The following ATP8A1 variants were observed in gnomAD, a reference collection of about 807,000 sequenced individuals.
The protein encoded by ATP8A1 is ATPase phospholipid transporting 8A1.
A neutral mutation model predicts 177.7 loss-of-function variants in ATP8A1; 90 were observed. That is an observed-to-expected ratio of 0.51 (90% confidence interval 0.43 to 0.60). The LOEUF is 0.60. Among genes scored for constraint, ATP8A1 ranks in the 20% least tolerant of loss-of-function variants. The pLI is 0.00. For synonymous variants in ATP8A1, 493 were observed against 485.9 expected, an observed-to-expected ratio of 1.01 and a Z score of -0.19; for missense variants, 1,072 against 1,392.8, an observed-to-expected ratio of 0.77 and a Z score of 3.67.
chr4:42,555,958 T>A lies in ATP8A1; in HGVS notation c.1413+10A>T, dbSNP rs1222175571. The stretch of plus-strand genomic sequence containing the variant: ...CACTAACAAAAAGACAATGGTTTTA[T>A]GTAACTTACATGATTATTTTGGAGA... On this transcript the variant is annotated intron_variant, in intron 16 of 36. Transcript: ENST00000381668. 6.3e-7 allele frequency: 1 copy of A among 1,580,796 alleles called. No individual in the cohort carries two copies. The highest frequency in any genetic ancestry group is 1.7e-5 in the Admixed American group (1 of 59,068).
intron 25 of ATP8A1, among the ~76,000 whole-genome samples, chr4:42,477,454 T>C (rs1269570001): frequency 2.0e-5 from 3 of 152,124 alleles, no homozygotes; most frequent in Non-Finnish European, 4.4e-5. Flanking sequence ...ATTATACATA[T>C]ACGCCACAGC....
At chr4:42,568,461 T>C (rs1368201000) in intron 15 of ATP8A1, among the ~76,000 whole-genome samples, 1 of 152,170 alleles carries the variant, frequency 6.6e-6, no homozygotes, top group Non-Finnish European at 1.5e-5. Context: ...CACCAACTCA[T>C]GATGAATTAT....
chr4:42,544,919 T>C (rs954028708), intron 19 of ATP8A1, among the ~76,000 whole-genome samples: 1 of 152,156 alleles, frequency 6.6e-6, no homozygotes, highest in African/African-American at 2.4e-5. Flanking sequence ...TCTAGCACTT[T>C]GGGAGGCCGA....
At chr4:42,569,055 TTATATATATATA>T in intron 15 of ATP8A1, 94 bp downstream of exon 15, 1 of 474,486 alleles carries the variant, frequency 2.1e-6, no homozygotes, top group South Asian at 7.2e-5. Flanking sequence ...AATATTTTAT[TTATATATATATA>T]TTTATATAAA....
At chr4:42,509,136 T>G (rs1724734370) in intron 22 of ATP8A1, among the ~76,000 whole-genome samples, 1 of 152,238 alleles carries the variant, frequency 6.6e-6, no homozygotes, top group African/African-American at 2.4e-5. Context: ...GACATTAAAT[T>G]TGTAGCTCGA....
chr4:42,523,144 A>T (rs1726316192), intron 21 of ATP8A1, among the ~76,000 whole-genome samples: 1 of 152,132 alleles, frequency 6.6e-6, no homozygotes, highest in Non-Finnish European at 1.5e-5. Context: ...CAGCAGATAT[A>T]CCCCGGGAAA....
At chr4:42,463,447 G>C (rs1333355763) in intron 27 of ATP8A1, among the ~76,000 whole-genome samples, 1 of 152,164 alleles carries the variant, frequency 6.6e-6, no homozygotes, top group Non-Finnish European at 1.5e-5. Flanking sequence ...CTCCATGATT[G>C]TGAGGCCTCC....
chr4:42,435,426 C>CAAAAAAAAAAAAAAAAAAAAAAAAA (rs55945370), intron 33 of ATP8A1, among the ~76,000 whole-genome samples: 1 of 93,958 alleles, frequency 1.1e-5, no homozygotes. Context: ...GACTTCATCT[C>CAAAAAAAAAAAAAAAAAAAAAAAAA]AAAAAAAAAA....
intron 20 of ATP8A1, among the ~76,000 whole-genome samples, chr4:42,537,942 C>G (rs983814611): frequency 2.0e-5 from 3 of 152,136 alleles, no homozygotes; most frequent in African/African-American, 7.2e-5. Flanking sequence ...AAAGAGCCTG[C>G]AAAGCCAAAG....
intron 22 of ATP8A1, among the ~76,000 whole-genome samples, chr4:42,511,272 C>T (rs750995864): frequency 4.6e-5 from 7 of 152,116 alleles, no homozygotes; most frequent in African/African-American, 1.4e-4. Context: ...TTGAACTTTG[C>T]GTGCTTTTCC....
intron 24 of ATP8A1, among the ~76,000 whole-genome samples, chr4:42,489,680 G>T (rs1397218792): frequency 6.6e-6 from 1 of 152,126 alleles, no homozygotes; most frequent in African/African-American, 2.4e-5. Context: ...ACTGCCGGGA[G>T]TATTTTCAAA....
intron 22 of ATP8A1, among the ~76,000 whole-genome samples, chr4:42,512,856 A>G (rs1235514106): frequency 6.6e-6 from 1 of 152,236 alleles, no homozygotes; most frequent in Non-Finnish European, 1.5e-5. Flanking sequence ...CGTAACTATG[A>G]GAACTGCTGA....
chr4:42,486,227 C>T (rs530383265), intron 24 of ATP8A1, among the ~76,000 whole-genome samples: 2 of 152,122 alleles, frequency 1.3e-5, no homozygotes, highest in Admixed American at 6.6e-5. Context: ...AACTTAGAAC[C>T]TTTTAAAAGA....
chr4:42,552,786 G>C (rs889592707), intron 16 of ATP8A1, among the ~76,000 whole-genome samples, 176 bp from the exon 17 acceptor site: 2 of 152,178 alleles, frequency 1.3e-5, no homozygotes, highest in African/African-American at 4.8e-5. Context: ...TCAGGAGTTT[G>C]AGACCAGCCT....
intron 5 of ATP8A1, among the ~76,000 whole-genome samples, chr4:42,613,125 T>C (rs1736536087): frequency 6.6e-6 from 1 of 152,240 alleles, no homozygotes; most frequent in South Asian, 2.1e-4. Context: ...ATGGCTTTCA[T>C]GTTAAGCAAT....
chr4:42,583,490 A>G (rs1733317135), intron 9 of ATP8A1, among the ~76,000 whole-genome samples: 1 of 152,218 alleles, frequency 6.6e-6, no homozygotes, highest in Non-Finnish European at 1.5e-5. Flanking sequence ...AATGGGGTAT[A>G]ATATGGCAAC....
Position 42,493,735 on chromosome 4 carries a change from T to G in ATP8A1, c.2152-8067A>C, listed in dbSNP as rs75787330. ...GGTGACTTAACTTCTCTGAATCACA[T>G]TTTTCTCATTCATAAGATTGGGTTA... On this transcript the variant is annotated intron_variant, in intron 24 of 36. Transcript: ENST00000381668. Among the ~76,000 whole-genome samples the G allele has an allele frequency of 1.8e-3, 271 of 152,264 alleles. 1 individual carries two copies. Among genetic ancestry groups the G allele is most frequent in the African/African-American group, 6.3e-3 (261 of 41,544 alleles).
intron 30 of ATP8A1, among the ~76,000 whole-genome samples, chr4:42,447,605 T>C (rs949945463): frequency 6.6e-6 from 1 of 152,060 alleles, no homozygotes; most frequent in African/African-American, 2.4e-5. Flanking sequence ...CATTGAAAAA[T>C]TAAAAATCCA....
At chr4:42,514,460 C>T (rs765710303) in intron 22 of ATP8A1, among the ~76,000 whole-genome samples, 11 of 152,262 alleles carry the variant, frequency 7.2e-5, no homozygotes, top group Middle Eastern at 3.4e-3. Flanking sequence ...AAGATTCTAA[C>T]GGCCAGTTGA....
Sources: gnomAD v4.1 joint callset for allele counts (sites outside exome capture counted in the v4.1 genomes callset) on GRCh38, gnomAD v4.1.1 for gene constraint, MANE v1.5 for transcripts, NCBI Gene and HGNC (gene_info 2026-07-23, HGNC 2026-07-21) for gene names.